PROX1: variants seen among roughly 807,000 people sequenced by gnomAD.
PROX1 encodes prospero homeobox protein 1.
A neutral mutation model predicts 58.8 loss-of-function variants in PROX1; 7 were observed. That is an observed-to-expected ratio of 0.12 (90% CI 0.07 to 0.22). The LOEUF is 0.22. Ranked by LOEUF, PROX1 falls within the 10% of genes least tolerant of loss-of-function variation. The probability of loss-of-function intolerance (pLI) is 1.00; values close to 1 mark genes in which losing one functional copy is unlikely to be tolerated. For synonymous variants in PROX1, 350 were observed against 358.3 expected, an observed-to-expected ratio of 0.98 and a Z score of 0.26; for missense variants, 675 against 927.8, an observed-to-expected ratio of 0.73 and a Z score of 3.54.
chr1:213,995,142 A>G (rs1240464067), intron 1 of PROX1, among the ~76,000 whole-genome samples: 1 of 152,078 alleles, frequency 6.6e-6, no homozygotes, highest in Non-Finnish European at 1.5e-5. Context: ...TATTGTGAAG[A>G]TGTGCTCTGT....
At chr1:214,010,685 C>T (rs996805953) in intron 3 of PROX1, among the ~76,000 whole-genome samples, 4 of 152,152 alleles carry the variant, frequency 2.6e-5, no homozygotes, top group African/African-American at 7.2e-5. Context: ...AAGACATCTT[C>T]ATTTCAAAGG....
chr1:214,012,660 C>G (rs544428929), intron 4 of PROX1, among the ~76,000 whole-genome samples: 1 of 152,180 alleles, frequency 6.6e-6, no homozygotes, highest in African/African-American at 2.4e-5. Flanking sequence ...GGCTGAACTC[C>G]CTGATGATGA....
intron 4 of PROX1, among the ~76,000 whole-genome samples, chr1:214,020,880 A>T (rs1423636601): frequency 6.6e-6 from 1 of 152,228 alleles, no homozygotes; most frequent in African/African-American, 2.4e-5. Flanking sequence ...GAAATTCAAG[A>T]CAAAGACTCT....
intron 4 of PROX1, among the ~76,000 whole-genome samples, chr1:214,020,782 T>C (rs991217932): frequency 6.6e-6 from 1 of 152,228 alleles, no homozygotes. Flanking sequence ...GAGCAAACCA[T>C]AAGATTTTAG....
chr1:213,997,566 A>G lies in PROX1; in HGVS notation c.1031A>G (p.Glu344Gly), dbSNP rs1417167674. The G allele has an allele frequency of 1.4e-5, 23 of 1,614,132 alleles. No individual in the cohort carries two copies. Among genetic ancestry groups the G allele is most frequent in the Non-Finnish European group, 1.9e-5 (22 of 1,180,004 alleles). The change falls in exon 2 of 5, where the codon GAA (glutamate) becomes GGA (glycine). Residue 344 changes from glutamate (E) to glycine (G), a missense_variant. Around this residue, in one of 8 missense-constraint regions of PROX1, gnomAD observed 403 missense variants for 477.4 expected, o/e 0.84. Transcript: ENST00000366958. This position sits in a 1 kb window ranked among gnomAD's most constrained non-coding sequence, Gnocchi z 7.1. ...CATGGGCCAAACTCCTTACAACCGGAAGGCAAACATTTGGCTGAGACCTTG... is the reference window on the plus strand; with the variant it reads ...CATGGGCCAAACTCCTTACAACCGGGAGGCAAACATTTGGCTGAGACCTTG... ...RDHGPNSLQP[E>G]GKHLAETLKQ...
chr1:213,991,140 T>C (rs1175606823), intron 1 of PROX1, among the ~76,000 whole-genome samples: 1 of 152,196 alleles, frequency 6.6e-6, no homozygotes, highest in Non-Finnish European at 1.5e-5. Context: ...CATGGACATG[T>C]ATATGTAATA....
Position 213,997,947 on chromosome 1 carries a change from C to A in PROX1, c.1412C>A (p.Ala471Asp). 6.2e-7 allele frequency: 1 copy of A among 1,613,950 alleles called. No individual in the cohort carries two copies. ...CCCCTGCACCAGTCGCCTCTCTCTGCCACCACGGGCTTCACCACGTCCACC... is the reference window on the plus strand; with the variant it reads ...CCCCTGCACCAGTCGCCTCTCTCTGACACCACGGGCTTCACCACGTCCACC... Reference protein sequence around the residue: ...HQPLHQSPLSATTGFTTSTFR... With the variant: ...HQPLHQSPLSDTTGFTTSTFR... The change falls in exon 2 of 5, where the codon GCC becomes GAC. Residue 471 changes from alanine to aspartate, a missense_variant. This residue lies in a region of PROX1 where 403 missense variants were observed against 477.4 expected (regional missense o/e 0.84). Transcript: ENST00000366958. The surrounding 1 kb of genome is among the most constrained non-coding windows in gnomAD (Gnocchi z 7.1).
At chr1:214,016,140 A>T (rs1461051420) in intron 4 of PROX1, among the ~76,000 whole-genome samples, 2 of 152,086 alleles carry the variant, frequency 1.3e-5, no homozygotes, top group African/African-American at 4.8e-5. Context: ...ACTTCCGCAC[A>T]CCTTTGAATG....
chr1:213,996,594 A>G lies in PROX1; in HGVS notation c.59A>G (p.Asp20Gly). Reference protein sequence around the residue: ...LSRQTKRRRVDIGVKRTVGTA... With the variant: ...LSRQTKRRRVGIGVKRTVGTA... Reference sequence around the variant, plus strand: ...CGGCAAACCAAGAGGAGAAGAGTTGACATTGGAGTGAAAAGGACGGTAGGG... The same window carrying G: ...CGGCAAACCAAGAGGAGAAGAGTTGGCATTGGAGTGAAAAGGACGGTAGGG... Residue 20 changes from aspartate to glycine, a missense_variant, in exon 2 of 5, where the codon GAC becomes GGC. This residue lies in a region of PROX1 where 157 missense variants were observed against 197.8 expected (regional missense o/e 0.79). Transcript: ENST00000366958. 1 of 1,614,184 alleles carries G rather than the reference A, an allele frequency of 6.2e-7. No individual in the cohort carries two copies. Among genetic ancestry groups the G allele is most frequent in the African/African-American group, 1.3e-5 (1 of 75,042 alleles).
At chr1:214,006,647 G>A (rs554266807) in intron 3 of PROX1, among the ~76,000 whole-genome samples, 27 of 152,288 alleles carry the variant, frequency 1.8e-4, no homozygotes, top group African/African-American at 6.3e-4. Flanking sequence ...TCACCTGGTT[G>A]AGGACTGACC....
intron 4 of PROX1, among the ~76,000 whole-genome samples, chr1:214,022,994 G>T (rs1664334006): frequency 2.6e-5 from 4 of 152,114 alleles, no homozygotes; most frequent in Non-Finnish European, 5.9e-5. Flanking sequence ...AAATCTCCAG[G>T]GTGCCCATTT....
intron 1 of PROX1, among the ~76,000 whole-genome samples, chr1:213,995,945 A>C (rs1031390026): frequency 2.6e-5 from 4 of 152,196 alleles, no homozygotes; most frequent in African/African-American, 9.7e-5. Flanking sequence ...TTCAAGAATA[A>C]AAGCTCTCTA....
At chr1:213,983,914 G>C (rs1257811659), upstream of PROX1, 1 of 152,306 alleles carries the variant, frequency 6.6e-6, no homozygotes, top group African/African-American at 2.4e-5. Context: ...AGCACCCCTC[G>C]GAAGGCGCGC....
rs1343565819 is a variant in PROX1, at chr1:214,038,685, CCAA to C, written c.*2855_*2857del. 3.3e-5 allele frequency: 5 copies of C among 152,090 alleles called. No homozygotes were observed. The highest frequency in any genetic ancestry group is 9.7e-5 in the African/African-American group (4 of 41,428). 9.4% of individuals were successfully genotyped at this position (152,090 alleles called of 1,614,324 possible). On this transcript the variant is annotated 3_prime_UTR_variant, in exon 5 of 5. Coordinates refer to ENST00000366958, the MANE Select transcript of PROX1 (RefSeq NM_001270616.2). ...AATCCTTCAAAATACCAGTTTTTTC[CCAA>C]CAAGTACAATTGTTCTTGTGCCTTC...
At chr1:214,019,514 C>T (rs532722969) in intron 4 of PROX1, among the ~76,000 whole-genome samples, 1 of 152,154 alleles carries the variant, frequency 6.6e-6, no homozygotes, top group East Asian at 1.9e-4. Flanking sequence ...AAGATGGGTG[C>T]AAACCTCACC....
chr1:213,999,918 A>G (rs1307750453), intron 2 of PROX1, among the ~76,000 whole-genome samples: 1 of 152,192 alleles, frequency 6.6e-6, no homozygotes. Flanking sequence ...CAAAAAGAGC[A>G]TCTTCAGAGG....
At chr1:214,026,029 A>G (rs1664445107) in intron 4 of PROX1, among the ~76,000 whole-genome samples, 1 of 152,182 alleles carries the variant, frequency 6.6e-6, no homozygotes, top group Admixed American at 6.5e-5. Flanking sequence ...CAGATGAGCA[A>G]TTTCTGCACA....
intron 4 of PROX1, among the ~76,000 whole-genome samples, chr1:214,013,948 G>T (rs929527883): frequency 1.3e-5 from 2 of 152,110 alleles, no homozygotes; most frequent in African/African-American, 4.8e-5. Context: ...AGTGTGTCCT[G>T]CCCCCTCTAC....
At chr1:214,009,675 T>C (rs1333317211) in intron 3 of PROX1, among the ~76,000 whole-genome samples, 1 of 152,158 alleles carries the variant, frequency 6.6e-6, no homozygotes, top group South Asian at 2.1e-4. Context: ...TCGTAAATAA[T>C]GGCAAGTGCA....
Sources: allele counts gnomAD v4.1 joint callset (sites outside exome capture counted in the v4.1 genomes callset), GRCh38; gene constraint gnomAD v4.1.1; regional missense constraint gnomAD v4.1.1; non-coding constraint Gnocchi (gnomAD v3.1); transcripts MANE v1.5; gene names NCBI Gene and HGNC (gene_info 2026-07-23, HGNC 2026-07-21).